The following HIBCH variants were observed in gnomAD, a reference collection of about 807,000 sequenced individuals.
HIBCH encodes 3-hydroxyisobutyryl-CoA hydrolase, mitochondrial.
A neutral mutation model predicts 58.2 loss-of-function variants in HIBCH; 50 were observed. That is an observed-to-expected ratio of 0.86 (90% CI 0.68 to 1.09). The LOEUF (loss-of-function observed/expected upper bound fraction) is 1.09, where lower values mean the gene tolerates loss of function less well. Among genes scored for constraint, HIBCH ranks in the 50% least tolerant of loss-of-function variants. The pLI is 0.00. For synonymous variants in HIBCH, 151 were observed against 146.9 expected (o/e 1.03, Z -0.20); for missense variants, 450 against 449.7 (o/e 1.00, Z -0.01).
chr2:190,221,383 T>C (rs912143631), intron 11 of HIBCH, among the ~76,000 whole-genome samples: 1 of 152,234 alleles, frequency 6.6e-6, no homozygotes, highest in African/African-American at 2.4e-5. Flanking sequence ...GATGGTGCAC[T>C]GAAACCAGGC....
chr2:190,199,904 T>C (rs761496559), downstream of HIBCH: 11 of 1,613,862 alleles, frequency 6.8e-6, no homozygotes, highest in African/African-American at 4.0e-5. Flanking sequence ...TTTCCTACCA[T>C]ATATGAAGGT....
intron 1 of HIBCH, among the ~76,000 whole-genome samples, chr2:190,195,113 C>G (rs1195795916): frequency 6.6e-6 from 1 of 152,168 alleles, no homozygotes; most frequent in Admixed American, 6.5e-5. Flanking sequence ...ATACTCGCCT[C>G]AGCCTCCCAA....
intron 6 of HIBCH, among the ~76,000 whole-genome samples, chr2:190,272,947 T>C (rs745759662): frequency 3.3e-5 from 5 of 152,140 alleles, no homozygotes; most frequent in Non-Finnish European, 7.4e-5. Context: ...CTGTGGTATA[T>C]TGCCAAGCAG....
At position 190,206,359 on chromosome 2, in the gene HIBCH, G is replaced by C. The variant is rs1406411875; in HGVS notation, c.1046-1127C>G. On this transcript the variant is annotated intron_variant, in intron 13 of 13. Transcript: ENST00000359678. This position sits in a 1 kb window ranked among gnomAD's most constrained non-coding sequence, Gnocchi z 5.1. ...GACAGTGTAAACAAAGAACAACCCC[G>C]GCACATTTTTTCCACAAGAATCTCT... 6.6e-6 allele frequency among the ~76,000 whole-genome samples: 1 copy of C among 152,082 alleles called. No individual in the cohort carries two copies. Among genetic ancestry groups the C allele is most frequent in the African/African-American group, 2.4e-5 (1 of 41,414 alleles).
intron 11 of HIBCH, among the ~76,000 whole-genome samples, chr2:190,226,867 A>C (rs947510821): frequency 6.6e-6 from 1 of 152,200 alleles, no homozygotes; most frequent in South Asian, 2.1e-4. Flanking sequence ...AATCCAACTT[A>C]CAAGGGATGT....
intron 11 of HIBCH, among the ~76,000 whole-genome samples, chr2:190,242,447 C>T (rs1686480386): frequency 6.6e-6 from 1 of 152,030 alleles, no homozygotes. Flanking sequence ...CATTTCCGTC[C>T]AGTTTTGTGC....
At chr2:190,212,554 C>T (rs959086743) in intron 12 of HIBCH, among the ~76,000 whole-genome samples, 1 of 152,164 alleles carries the variant, frequency 6.6e-6, no homozygotes, top group African/African-American at 2.4e-5. Context: ...AGACTAATAA[C>T]TTCCATTTGT....
chr2:190,305,364 G>A (rs1265411833), intron 2 of HIBCH, among the ~76,000 whole-genome samples: 1 of 152,160 alleles, frequency 6.6e-6, no homozygotes, highest in African/African-American at 2.4e-5. Flanking sequence ...TCCTGCTGAA[G>A]GTGCTAGGGA....
At chr2:190,246,064 T>C in intron 10 of HIBCH, 90 bp downstream of exon 10, 2 of 756,582 alleles carry the variant, frequency 2.6e-6, no homozygotes, top group South Asian at 1.5e-5. Flanking sequence ...TCAAACACAA[T>C]GTAATTAAAA....
intron 1 of HIBCH, chr2:190,311,098 A>C (rs1688543470): frequency 1.9e-6 from 1 of 527,336 alleles, no homozygotes; most frequent in Non-Finnish European, 3.5e-6. Flanking sequence ...TCAGCCATGA[A>C]AAAAAGAAAA....
chr2:190,281,041 C>T lies in HIBCH; in HGVS notation c.438+6545G>A, dbSNP rs1687693584. The T allele has an allele frequency of 6.6e-6, 1 of 152,252 alleles. No individual in the cohort carries two copies. Among genetic ancestry groups the T allele is most frequent in the Non-Finnish European group, 1.5e-5 (1 of 68,098 alleles). The allele number at this position is 152,252 out of a possible 1,614,324, so 9.4% of individuals were successfully genotyped here. On this transcript the variant is annotated intron_variant, in intron 6 of 13. Coordinates refer to ENST00000359678, the MANE Select transcript of HIBCH (RefSeq NM_014362.4). This position sits in a 1 kb window ranked among gnomAD's most constrained non-coding sequence, Gnocchi z 5.4. Reference sequence around the variant, plus strand: ...ATCCACCACTAACAAGCCCACACTTCAGCTCTCTACAGTTGAAGTTGCAAA... The same window carrying T: ...ATCCACCACTAACAAGCCCACACTTTAGCTCTCTACAGTTGAAGTTGCAAA...
At chr2:190,287,723 T>C in intron 5 of HIBCH, 85 bp from the exon 6 acceptor site, 2 of 941,634 alleles carry the variant, frequency 2.1e-6, no homozygotes, top group Non-Finnish European at 3.3e-6. Context: ...TTATATATAC[T>C]CAAGATTTTC....
intron 11 of HIBCH, among the ~76,000 whole-genome samples, chr2:190,244,082 G>T (rs1686532659): frequency 1.3e-5 from 2 of 151,978 alleles, no homozygotes; most frequent in African/African-American, 4.8e-5. Flanking sequence ...GAAATGCTAT[G>T]ATTACATCTA....
At chr2:190,278,343 T>C (rs2105972430) in intron 6 of HIBCH, among the ~76,000 whole-genome samples, 1 of 152,204 alleles carries the variant, frequency 6.6e-6, no homozygotes, top group East Asian at 1.9e-4. Flanking sequence ...TAGCTGGGAT[T>C]ACAGGCCCCC....
Position 190,216,968 on chromosome 2 carries a change from A to G in HIBCH, c.892-3893T>C, listed in dbSNP as rs1196982512. On this transcript the variant is annotated intron_variant, in intron 11 of 13. Transcript: ENST00000359678. This position sits in a 1 kb window ranked among gnomAD's most constrained non-coding sequence, Gnocchi z 4.2. ...CAAACAGTACAGCTCTCCGCCTGCCAGGGAGAGGAATGGTGTCTTCAAAGC... is the reference window on the plus strand; with the variant it reads ...CAAACAGTACAGCTCTCCGCCTGCCGGGGAGAGGAATGGTGTCTTCAAAGC... 6.6e-6 allele frequency among the ~76,000 whole-genome samples: 1 copy of G among 152,222 alleles called. No individual in the cohort carries two copies. Among genetic ancestry groups the G allele is most frequent in the African/African-American group, 2.4e-5 (1 of 41,462 alleles).
chr2:190,193,947 C>T (rs1389642698), intron 1 of HIBCH, among the ~76,000 whole-genome samples: 1 of 152,106 alleles, frequency 6.6e-6, no homozygotes, highest in African/African-American at 2.4e-5. Context: ...CTTCTAAGCT[C>T]TAAAACTAAT....
intron 1 of HIBCH, among the ~76,000 whole-genome samples, chr2:190,196,682 A>C (rs10209516): frequency 6.6e-6 from 1 of 151,906 alleles, no homozygotes; most frequent in African/African-American, 2.4e-5. Flanking sequence ...CTTGTTAAAG[A>C]GGATTATTTC....
At chr2:190,314,338 C>CGTGT (rs1559068451) in intron 1 of HIBCH, among the ~76,000 whole-genome samples, 3 of 130,806 alleles carry the variant, frequency 2.3e-5, no homozygotes, top group Non-Finnish European at 3.1e-5. Flanking sequence ...TGTATATATA[C>CGTGT]ATATATATGT....
At chr2:190,310,417 T>C (rs865844026) in intron 2 of HIBCH, among the ~76,000 whole-genome samples, 2 of 152,336 alleles carry the variant, frequency 1.3e-5, no homozygotes, top group Non-Finnish European at 2.9e-5. Context: ...AATTATCTTA[T>C]TTATCATTTA....
Sources: allele counts gnomAD v4.1 joint callset (sites outside exome capture counted in the v4.1 genomes callset), GRCh38; gene constraint gnomAD v4.1.1; non-coding constraint Gnocchi (gnomAD v3.1); transcripts MANE v1.5; gene names NCBI Gene and HGNC (gene_info 2026-07-23, HGNC 2026-07-21).